Variants in TAOK1 observed in about 807,000 individuals in gnomAD.
TAOK1 encodes serine/threonine-protein kinase TAO1.
TAOK1 carries 21 observed loss-of-function variants against 138.3 expected under a neutral mutation model. That is an observed-to-expected ratio of 0.15 (90% CI 0.11 to 0.22). The LOEUF (loss-of-function observed/expected upper bound fraction) is 0.22, where lower values mean the gene tolerates loss of function less well. Among genes scored for constraint, TAOK1 ranks in the 10% least tolerant of loss-of-function variants. The pLI is 1.00. For missense variants in TAOK1, 651 were observed against 1,227.7 expected, an observed-to-expected ratio of 0.53 and a Z score of 7.02; for synonymous variants, 361 against 398.4, an observed-to-expected ratio of 0.91 and a Z score of 1.12.
intron 16 of TAOK1, among the ~76,000 whole-genome samples, chr17:29,518,738 T>TTATTTTTAC (rs1472757224): frequency 3.1e-5 from 3 of 97,796 alleles, no homozygotes; most frequent in Admixed American, 1.1e-4. Context: ...TGATTTTTAT[T>TTATTTTTAC]TTTTATTTTT....
At position 29,393,345 on chromosome 17, in the gene TAOK1, C is replaced by G. The variant is rs74524051; in HGVS notation, c.-95+2321C>G. ...AGGGTGTAGGTTAACTATTTACTTGCTATATTTCAGCATGCTATAACTAAG... is the reference window on the plus strand; with the variant it reads ...AGGGTGTAGGTTAACTATTTACTTGGTATATTTCAGCATGCTATAACTAAG... On this transcript the variant is annotated intron_variant, in intron 1 of 19. Coordinates refer to ENST00000261716, the MANE Select transcript of TAOK1 (RefSeq NM_020791.4). Among the ~76,000 whole-genome samples the G allele has an allele frequency of 2.7e-3, 407 of 151,162 alleles. 1 individual carries two copies. Among genetic ancestry groups the G allele is most frequent in the Non-Finnish European group, 4.6e-3 (312 of 67,776 alleles).
At chr17:29,533,082 G>A (rs529745144) in intron 18 of TAOK1, among the ~76,000 whole-genome samples, 4,660 of 143,018 alleles carry the variant, frequency 0.033, 365 homozygotes, top group African/African-American at 0.12. Flanking sequence ...CTTCCCAGAC[G>A]GGGTGGCTGC....
intron 1 of TAOK1, among the ~76,000 whole-genome samples, chr17:29,442,389 GTTTTT>G (rs531137552): frequency 3.8e-5 from 5 of 130,496 alleles, no homozygotes; most frequent in Non-Finnish European, 6.7e-5. Context: ...ATTTTTTTCT[GTTTTT>G]TTTTTTTTTA....
chr17:29,477,721 A>G lies in TAOK1; in HGVS notation c.352+15A>G. On this transcript the variant is annotated intron_variant, in intron 5 of 19. Coordinates refer to ENST00000261716, the MANE Select transcript of TAOK1 (RefSeq NM_020791.4). Reference sequence around the variant, plus strand: ...TTTACTAGAAGGTAAGTTCCCTTTGATTATTTTTTAAAAAGTATTCACAGA... The same window carrying G: ...TTTACTAGAAGGTAAGTTCCCTTTGGTTATTTTTTAAAAAGTATTCACAGA... The G allele has an allele frequency of 7.3e-7, 1 of 1,375,034 alleles. No homozygotes were observed. Among genetic ancestry groups the G allele is most frequent in the Non-Finnish European group, 9.6e-7 (1 of 1,041,702 alleles). The allele number at this position is 1,375,034 out of a possible 1,614,324, so 85.2% of individuals were successfully genotyped here.
intron 3 of TAOK1, among the ~76,000 whole-genome samples, chr17:29,470,821 G>A (rs1360780477): frequency 6.6e-6 from 1 of 152,120 alleles, no homozygotes; most frequent in Non-Finnish European, 1.5e-5. Context: ...GGTGCCCAGT[G>A]CATATGAAAA....
intron 17 of TAOK1, among the ~76,000 whole-genome samples, chr17:29,525,684 C>T (rs1056978760): frequency 2.0e-5 from 3 of 152,188 alleles, no homozygotes; most frequent in Non-Finnish European, 4.4e-5. Flanking sequence ...CGTGAGCCAC[C>T]GCGCCCAGCC....
Position 29,414,806 on chromosome 17 carries a change from G to A in TAOK1, c.-95+23782G>A, listed in dbSNP as rs181936007. Among the ~76,000 whole-genome samples, 275 of 152,138 alleles carry A rather than the reference G, an allele frequency of 1.8e-3. 2 individuals carry two copies. In the Middle Eastern group the frequency reaches 0.041, roughly 23 times the overall value. ...ACTTCTGACCTCAAGTGATCCGCCC[G>A]CCTTGGCCTCCCAAAGTGCTAGGAT... On this transcript the variant is annotated intron_variant, in intron 1 of 19. Coordinates refer to ENST00000261716, the MANE Select transcript of TAOK1 (RefSeq NM_020791.4).
At chr17:29,457,402 CTTTT>C (rs769026325) in intron 2 of TAOK1, among the ~76,000 whole-genome samples, 3 of 76,592 alleles carry the variant, frequency 3.9e-5, no homozygotes, top group African/African-American at 6.1e-5. Context: ...CACCCCAGGC[CTTTT>C]TTTTTTTTTT....
intron 1 of TAOK1, among the ~76,000 whole-genome samples, chr17:29,397,724 T>C (rs1039441629): frequency 5.3e-5 from 6 of 113,512 alleles, no homozygotes; most frequent in African/African-American, 1.3e-4. Context: ...TACATGTATG[T>C]ATATACATAT....
At chr17:29,466,659 C>A (rs1175783833) in intron 2 of TAOK1, among the ~76,000 whole-genome samples, 2 of 152,056 alleles carry the variant, frequency 1.3e-5, no homozygotes, top group Non-Finnish European at 2.9e-5. Context: ...CTGGAAAGTT[C>A]CTTTGGTAAA....
intron 2 of TAOK1, among the ~76,000 whole-genome samples, chr17:29,460,698 A>G (rs2030510866): frequency 6.6e-6 from 1 of 152,208 alleles, no homozygotes; most frequent in Admixed American, 6.5e-5. Flanking sequence ...CCATTTGTGA[A>G]GTAAAGTTTA....
At chr17:29,441,631 G>A (rs941756432) in intron 1 of TAOK1, among the ~76,000 whole-genome samples, 1 of 152,098 alleles carries the variant, frequency 6.6e-6, no homozygotes, top group Admixed American at 6.5e-5. Context: ...GCCAGACACG[G>A]TGGCTCACAC....
intron 1 of TAOK1, among the ~76,000 whole-genome samples, chr17:29,438,440 T>A (rs959147159): frequency 2.0e-5 from 3 of 152,180 alleles, no homozygotes; most frequent in African/African-American, 7.2e-5. Flanking sequence ...ATCCCAGCAC[T>A]TTGGGAGGCT....
intron 18 of TAOK1, among the ~76,000 whole-genome samples, chr17:29,531,363 C>G (rs762780720): frequency 6.4e-4 from 98 of 152,172 alleles, no homozygotes; most frequent in Non-Finnish European, 1.1e-3. Context: ...ACTGCAACCT[C>G]CACCTCCCGG....
intron 17 of TAOK1, among the ~76,000 whole-genome samples, chr17:29,528,689 A>C (rs1477520984): frequency 6.6e-6 from 1 of 151,716 alleles, no homozygotes; most frequent in African/African-American, 2.4e-5. Context: ...AAAATACAAA[A>C]ATTGGCTGGG....
At chr17:29,532,084 C>T (rs1240111577) in intron 18 of TAOK1, among the ~76,000 whole-genome samples, 2 of 151,906 alleles carry the variant, frequency 1.3e-5, no homozygotes, top group African/African-American at 4.8e-5. Context: ...ATGGTCTCAA[C>T]CTTGTGACCT....
chr17:29,423,419 G>T (rs373698950), intron 1 of TAOK1, among the ~76,000 whole-genome samples: 1 of 151,350 alleles, frequency 6.6e-6, no homozygotes, highest in Non-Finnish European at 1.5e-5. Flanking sequence ...GGGTTTCACC[G>T]TGTTAGCCAG....
chr17:29,397,733 A>C (rs1052920579), intron 1 of TAOK1, among the ~76,000 whole-genome samples: 1 of 106,114 alleles, frequency 9.4e-6, no homozygotes, highest in Admixed American at 9.7e-5. Flanking sequence ...GTATATACAT[A>C]TATACACGTA....
intron 3 of TAOK1, among the ~76,000 whole-genome samples, chr17:29,474,659 A>C (rs1401200554): frequency 6.6e-6 from 1 of 152,182 alleles, no homozygotes. Context: ...CCCCAAAACA[A>C]TTACAATAGT....
Sources: allele counts gnomAD v4.1 joint callset (sites outside exome capture counted in the v4.1 genomes callset), GRCh38; gene constraint gnomAD v4.1.1; transcripts MANE v1.5; gene names NCBI Gene and HGNC (gene_info 2026-07-23, HGNC 2026-07-21).